The following FBXL7 variants were observed in gnomAD, a reference collection of about 807,000 sequenced individuals.
FBXL7 encodes the protein F-box/LRR-repeat protein 7.
Under a neutral mutation model 38.3 loss-of-function variants are expected in FBXL7, and 12 were observed. The ratio of observed to expected loss-of-function variants is 0.31; its 90% CI spans 0.20 to 0.51. The LOEUF (loss-of-function observed/expected upper bound fraction) is 0.51, where lower values mean the gene tolerates loss of function less well. Ranked by LOEUF, FBXL7 falls within the 20% of genes least tolerant of loss-of-function variation. The pLI is 0.98. For missense variants in FBXL7, 567 were observed against 676.4 expected (o/e 0.84, Z 1.79); for synonymous variants, 297 against 300.9 (o/e 0.99, Z 0.13).
At chr5:15,599,277 A>G (rs1269341001) in intron 1 of FBXL7, among the ~76,000 whole-genome samples, 1 of 152,186 alleles carries the variant, frequency 6.6e-6, no homozygotes, top group African/African-American at 2.4e-5. Context: ...GTCACACCCC[A>G]AAGAGAAGAG....
chr5:15,924,292 A>AT (rs1741822706), intron 2 of FBXL7, among the ~76,000 whole-genome samples: 1 of 152,202 alleles, frequency 6.6e-6, no homozygotes, highest in Admixed American at 6.5e-5. Flanking sequence ...AGCTGGAATT[A>AT]TTTTTTAACA....
intron 1 of FBXL7, among the ~76,000 whole-genome samples, chr5:15,554,576 T>G (rs1487311098): frequency 6.6e-6 from 1 of 152,192 alleles, no homozygotes; most frequent in East Asian, 1.9e-4. Flanking sequence ...TTTGGCTAAC[T>G]CTAAACATTG....
chr5:15,841,286 A>G (rs946057338), intron 2 of FBXL7, among the ~76,000 whole-genome samples: 9 of 152,206 alleles, frequency 5.9e-5, no homozygotes, highest in Non-Finnish European at 1.2e-4. Context: ...TAGAAATGCC[A>G]AAGTTTCCCT....
intron 2 of FBXL7, among the ~76,000 whole-genome samples, chr5:15,765,045 A>C (rs192740807): frequency 6.6e-6 from 1 of 152,348 alleles, no homozygotes; most frequent in Admixed American, 6.5e-5. Flanking sequence ...AGTAATGAGA[A>C]GAATGGAATT....
chr5:15,792,874 C>A (rs1426062195), intron 2 of FBXL7, among the ~76,000 whole-genome samples: 2 of 152,184 alleles, frequency 1.3e-5, no homozygotes, highest in East Asian at 3.9e-4. Flanking sequence ...GTGGGGTTCC[C>A]AACCCTATAG....
intron 2 of FBXL7, among the ~76,000 whole-genome samples, chr5:15,621,108 G>A (rs1740626845): frequency 1.3e-5 from 2 of 152,194 alleles, no homozygotes; most frequent in African/African-American, 4.8e-5. Flanking sequence ...CACTGGGAGT[G>A]TTCCATTCCA....
At chr5:15,763,038 A>G (rs1736490643) in intron 2 of FBXL7, among the ~76,000 whole-genome samples, 2 of 152,146 alleles carry the variant, frequency 1.3e-5, no homozygotes, top group Non-Finnish European at 1.5e-5. Flanking sequence ...CACTGCTATC[A>G]AGTACATTTC....
chr5:15,824,319 A>T (rs1326139211), intron 2 of FBXL7, among the ~76,000 whole-genome samples: 1 of 151,478 alleles, frequency 6.6e-6, no homozygotes, highest in African/African-American at 2.4e-5. Context: ...AAAGAGAAAA[A>T]CGTGGACCAT....
At chr5:15,555,497 C>T (rs1440102881) in intron 1 of FBXL7, among the ~76,000 whole-genome samples, 1 of 152,138 alleles carries the variant, frequency 6.6e-6, no homozygotes, top group Admixed American at 6.5e-5. Flanking sequence ...CTGGGTTGGG[C>T]AGTGGCAGCA....
At chr5:15,801,377 A>G (rs1737559137) in intron 2 of FBXL7, among the ~76,000 whole-genome samples, 1 of 152,196 alleles carries the variant, frequency 6.6e-6, no homozygotes, top group South Asian at 2.1e-4. Flanking sequence ...AGGGAGCCAC[A>G]TATATGGAGA....
chr5:15,557,174 G>A (rs1017341084), intron 1 of FBXL7, among the ~76,000 whole-genome samples: 1 of 152,142 alleles, frequency 6.6e-6, no homozygotes, highest in Admixed American at 6.5e-5. Context: ...TCTTGACCTC[G>A]TGATCCCCCA....
At chr5:15,898,561 A>G (rs1231063274) in intron 2 of FBXL7, among the ~76,000 whole-genome samples, 1 of 152,234 alleles carries the variant, frequency 6.6e-6, no homozygotes, top group Non-Finnish European at 1.5e-5. Flanking sequence ...AGATTTGTGC[A>G]TTGATTCCAA....
chr5:15,904,044 T>A (rs368950481), intron 2 of FBXL7, among the ~76,000 whole-genome samples: 6 of 152,308 alleles, frequency 3.9e-5, no homozygotes, highest in South Asian at 2.1e-4. Context: ...TTACAATAGT[T>A]ACTACATTTT....
chr5:15,867,143 C>T (rs1336076459), intron 2 of FBXL7, among the ~76,000 whole-genome samples: 2 of 152,134 alleles, frequency 1.3e-5, no homozygotes, highest in African/African-American at 2.4e-5. Context: ...AGTTTCAGTA[C>T]TCACTATGCA....
intron 2 of FBXL7, among the ~76,000 whole-genome samples, chr5:15,852,024 C>T (rs1342130048): frequency 6.6e-6 from 1 of 152,144 alleles, no homozygotes; most frequent in Non-Finnish European, 1.5e-5. Flanking sequence ...CTCTCCTTTG[C>T]ATGCCCTGTC....
At chr5:15,800,602 T>C (rs1737537947) in intron 2 of FBXL7, among the ~76,000 whole-genome samples, 3 of 152,224 alleles carry the variant, frequency 2.0e-5, no homozygotes, top group Admixed American at 2.0e-4. Context: ...AAAAGGCAGG[T>C]ATTTTATCTT....
At chr5:15,613,710 T>G (rs1740336704) in intron 1 of FBXL7, among the ~76,000 whole-genome samples, 1 of 152,120 alleles carries the variant, frequency 6.6e-6, no homozygotes, top group Non-Finnish European at 1.5e-5. Flanking sequence ...CTCCAAAGTC[T>G]AAGGAGTTCT....
intron 2 of FBXL7, among the ~76,000 whole-genome samples, chr5:15,658,675 G>A (rs1388689515): frequency 1.3e-5 from 2 of 152,100 alleles, no homozygotes; most frequent in Non-Finnish European, 2.9e-5. Flanking sequence ...ACTTGAGAGG[G>A]TTGTGATCGA....
intron 1 of FBXL7, among the ~76,000 whole-genome samples, chr5:15,509,402 G>C (rs900552114): frequency 6.6e-6 from 1 of 152,152 alleles, no homozygotes. Context: ...TAGGCATGGA[G>C]GCCAGTGATT....
Sources: allele counts gnomAD v4.1 joint callset (sites outside exome capture counted in the v4.1 genomes callset), GRCh38; gene constraint gnomAD v4.1.1; transcripts MANE v1.5; gene names NCBI Gene and HGNC (gene_info 2026-07-23, HGNC 2026-07-21).